CRAT: variants seen among roughly 807,000 people sequenced by gnomAD.
CRAT encodes carnitine acetylase.
A neutral mutation model predicts 73.7 loss-of-function variants in CRAT; 66 were observed. The ratio of observed to expected loss-of-function variants is 0.90; its 90% CI spans 0.73 to 1.10. The LOEUF (loss-of-function observed/expected upper bound fraction) is 1.10. Among genes scored for constraint, CRAT ranks in the 50% least tolerant of loss-of-function variants. The pLI, the probability that CRAT is intolerant of heterozygous loss-of-function variation, is 0.00. For synonymous variants in CRAT, 321 were observed against 343.2 expected (o/e 0.94, Z 0.71); for missense variants, 745 against 846.9 (o/e 0.88, Z 1.49).
At chr9:129,100,357 C>A in intron 7 of CRAT, 154 bp downstream of exon 7, 1 of 927,428 alleles carries the variant, frequency 1.1e-6, no homozygotes. Flanking sequence ...GGCTGGCTGC[C>A]TGGTAATTAC....
chr9:129,107,164 T>A lies in CRAT; in HGVS notation c.291+650A>T, dbSNP rs1347590284. ...TTCTCCTGCCTCAGCCTCCCCAGTA[T>A]CTGGGATTACAGGTGCGTGCCACTA... is the stretch of plus-strand genomic sequence containing the variant. On this transcript the variant is annotated intron_variant, in intron 2 of 13. Coordinates refer to ENST00000318080, the MANE Select transcript of CRAT (RefSeq NM_000755.5). This position sits in a 1 kb window ranked among gnomAD's most constrained non-coding sequence, Gnocchi z 5.0. 6.6e-6 allele frequency among the ~76,000 whole-genome samples: 1 copy of A among 152,062 alleles called. No homozygotes were observed. Among genetic ancestry groups the A allele is most frequent in the Non-Finnish European group, 1.5e-5 (1 of 67,992 alleles).
At position 129,102,443 on chromosome 9, in the gene CRAT, G is replaced by C; in HGVS notation, c.587C>G (p.Thr196Ser). The C allele has an allele frequency of 6.2e-7, 1 of 1,614,192 alleles. No homozygotes were observed. The highest frequency in any genetic ancestry group is 8.5e-7 in the Non-Finnish European group (1 of 1,180,016). ...KQDTVSNFSK[T>S]KKPPTHITVV... ...GGTGATGTGCGTGGGAGGCTTCTTGGTCTTGCTGAAGTTGCTGACTGTGTC... is the reference window on the plus strand; with the variant it reads ...GGTGATGTGCGTGGGAGGCTTCTTGCTCTTGCTGAAGTTGCTGACTGTGTC... Residue 196 changes from threonine to serine, a missense_variant, in exon 5 of 14, where the codon ACC becomes AGC. Transcript: ENST00000318080.
Position 129,096,041 on chromosome 9 carries a change from G to T in CRAT, c.1622C>A (p.Thr541Asn), listed in dbSNP as rs1262410846. Residue 541 changes from threonine (T) to asparagine (N), a missense_variant, in exon 13 of 14, where the codon ACC becomes AAC. Coordinates refer to ENST00000318080, the MANE Select transcript of CRAT (RefSeq NM_000755.5). Reference protein sequence around the residue: ...LVSMPDIFMDTSYAIAMHFHL... With the variant: ...LVSMPDIFMDNSYAIAMHFHL... ...GAAGTGCATGGCGATGGCGTAGGAG[G>T]TGTCCATGAAGATGTCGGGCATGCT... 2 of 1,613,964 alleles carry T rather than the reference G, an allele frequency of 1.2e-6. No homozygotes were observed. The highest frequency in any genetic ancestry group is 1.7e-6 in the Non-Finnish European group (2 of 1,180,038).
intron 1 of CRAT, 88 bp from the exon 2 acceptor site, chr9:129,108,165 C>A: frequency 6.9e-7 from 1 of 1,452,046 alleles, no homozygotes; most frequent in African/African-American, 1.4e-5. Flanking sequence ...ACTTAAGTGC[C>A]CATCCCTGGG....
intron 1 of CRAT, 64 bp from the exon 2 acceptor site, chr9:129,108,141 C>T: frequency 6.7e-7 from 1 of 1,489,262 alleles, no homozygotes; most frequent in Non-Finnish European, 8.9e-7. Context: ...AGCCCCAAAG[C>T]TGTAGTCCTG....
At chr9:129,095,880 C>A in intron 13 of CRAT, 118 bp downstream of exon 13, 2 of 1,426,880 alleles carry the variant, frequency 1.4e-6, no homozygotes, top group African/African-American at 1.4e-5. Flanking sequence ...CTGCCCCCAG[C>A]TCCTCCTCTG....
Position 129,110,541 on chromosome 9 carries a change from C to T in CRAT, c.-32G>A, listed in dbSNP as rs771959354. On this transcript the variant is annotated 5_prime_UTR_variant, in exon 1 of 14. Coordinates refer to ENST00000318080, the MANE Select transcript of CRAT (RefSeq NM_000755.5). The surrounding 1 kb of genome is among the most constrained non-coding windows in gnomAD (Gnocchi z 5.3). ...TGCCCGTCCGCGGACACGCAGTCCG[C>T]TCCGCCCCACACACCGGGCAAAGTC... The T allele has an allele frequency of 3.2e-6, 5 of 1,572,800 alleles. No individual in the cohort carries two copies. The highest frequency in any genetic ancestry group is 1.8e-5 in the Admixed American group (1 of 56,858).
At chr9:129,102,083 G>A in intron 5 of CRAT, 26 bp from the exon 6 acceptor site, 2 of 1,608,426 alleles carry the variant, frequency 1.2e-6, no homozygotes, top group Non-Finnish European at 1.7e-6. Flanking sequence ...CAGGTAAGAG[G>A]AGGGAGCTGA....
rs1847186356 is a variant in CRAT at position 129,095,009 on chromosome 9, A to G, written c.*388T>C. 3.9e-6 allele frequency: 1 copy of G among 259,430 alleles called. No homozygotes were observed. Among genetic ancestry groups the G allele is most frequent in the Non-Finnish European group, 7.5e-6 (1 of 132,752 alleles). The allele number at this position is 259,430 out of a possible 1,614,324, so 16.1% of individuals were successfully genotyped here. ...TGGGAGTTTGGGAAGCAGGGTACAG[A>G]TGGTGGCCTGGTCATGGAGTTGGCA... is the stretch of plus-strand genomic sequence containing the variant. On this transcript the variant is annotated 3_prime_UTR_variant, in exon 14 of 14. Transcript: ENST00000318080.
In CRAT at chr9:129,107,806, T is replaced by C. The variant is rs770244678; in HGVS notation, c.291+8A>G. 2.5e-6 allele frequency: 4 copies of C among 1,613,128 alleles called. No homozygotes were observed. The South Asian group carries it at 3.3e-5, about 13-fold the overall frequency. Reference sequence around the variant, plus strand: ...GCAGCAGGTCACAGTGAGGATGCCCTCACTCACCCAGTTCTCCGTCTTCCT... The same window carrying C: ...GCAGCAGGTCACAGTGAGGATGCCCCCACTCACCCAGTTCTCCGTCTTCCT... On this transcript the variant is annotated splice_region_variant and intron_variant, in intron 2 of 13. Coordinates refer to ENST00000318080, the MANE Select transcript of CRAT (RefSeq NM_000755.5). This position sits in a 1 kb window ranked among gnomAD's most constrained non-coding sequence, Gnocchi z 5.0.
At chr9:129,109,357 T>A (rs1468733305) in intron 1 of CRAT, 3 of 1,117,180 alleles carry the variant, frequency 2.7e-6, no homozygotes, top group African/African-American at 3.2e-5. Context: ...CCCTGCCTAT[T>A]TCCTGTTTCT....
chr9:129,107,513 C>T lies in CRAT; in HGVS notation c.291+301G>A, dbSNP rs367577798. The T allele has an allele frequency of 9.5e-6, 6 of 634,090 alleles. No individual in the cohort carries two copies. The highest frequency in any genetic ancestry group is 5.4e-5 in the African/African-American group (3 of 55,876). The allele number at this position is 634,090 out of a possible 1,614,324, so 39.3% of individuals were successfully genotyped here. A position where few individuals can be genotyped will look rare whatever the true frequency, so the allele number is the denominator to read the frequency against. ...GAGGCTGTCCCACCAAGCACAAGGGCATCTTCTATCTGGTTGTACCTGCCG... is the reference window on the plus strand; with the variant it reads ...GAGGCTGTCCCACCAAGCACAAGGGTATCTTCTATCTGGTTGTACCTGCCG... On this transcript the variant is annotated intron_variant, in intron 2 of 13. Transcript: ENST00000318080. The surrounding 1 kb of genome is among the most constrained non-coding windows in gnomAD (Gnocchi z 5.0).
In CRAT at chr9:129,102,084, A is replaced by C. The variant is rs779406487; in HGVS notation, c.631-27T>G. The C allele has an allele frequency of 7.5e-6, 12 of 1,608,258 alleles. No homozygotes were observed. In the South Asian group the frequency reaches 1.3e-4, roughly 18 times the overall value. ...TGTTGGGGCACAGGCAGGTAAGAGG[A>C]GGGAGCTGAGTGGGGACCTCAGGCT... On this transcript the variant is annotated intron_variant, in intron 5 of 13. Coordinates refer to ENST00000318080, the MANE Select transcript of CRAT (RefSeq NM_000755.5).
intron 1 of CRAT, chr9:129,108,455 G>A (rs1475713343): frequency 6.0e-6 from 7 of 1,167,012 alleles, no homozygotes; most frequent in Middle Eastern, 3.8e-4. Context: ...CCTCTTGGAG[G>A]TCCCCACGTC....
rs1377791704 is a variant in CRAT, at chr9:129,096,135, C to T, written c.1528G>A (p.Ala510Thr). 3 of 1,612,758 alleles carry T rather than the reference C, an allele frequency of 1.9e-6. No individual in the cohort carries two copies. Among genetic ancestry groups the T allele is most frequent in the East Asian group, 4.5e-5 (2 of 44,880 alleles). Residue 510 changes from alanine to threonine, a missense_variant and splice_region_variant, in exon 13 of 14, where the codon GCC (alanine) becomes ACC (threonine). Transcript: ENST00000318080. ...VQAHRGYTDR[A>T]IRGEAFDRHL... Reference sequence around the variant, plus strand: ...CGATCAAAGGCCTCCCCGCGGATGGCCTGTTGGGGTGGGAGAGCTGTCAGG... The same window carrying T: ...CGATCAAAGGCCTCCCCGCGGATGGTCTGTTGGGGTGGGAGAGCTGTCAGG...
Position 129,095,435 on chromosome 9 carries a change from G to C in CRAT, c.1843C>G (p.Arg615Gly). 1 of 1,612,888 alleles carries C rather than the reference G, an allele frequency of 6.2e-7. No individual in the cohort carries two copies. The highest frequency in any genetic ancestry group is 8.5e-7 in the Non-Finnish European group (1 of 1,179,988). Residue 615 changes from arginine (R) to glycine (G), a missense_variant, in exon 14 of 14, where the codon CGT (arginine) becomes GGT (glycine). Physicochemically the swap from Arg to Gly is moderately radical, Grantham distance 125. Coordinates refer to ENST00000318080, the MANE Select transcript of CRAT (RefSeq NM_000755.5). ...CGGGGGTGGCTCTGCAGCAGGGCAC[G>C]CATGTCCAGGAGCGCCTTCTCCAGG... ...HYLEKALLDM[R>G]ALLQSHPRAK... is the part of the protein sequence containing the mutation.
rs762342545 is a variant in CRAT, at chr9:129,103,089, A to G, written c.411-23T>C. The G allele has an allele frequency of 3.1e-6, 5 of 1,612,050 alleles. No individual in the cohort carries two copies. The African/African-American group carries it at 5.3e-5, about 17-fold the overall frequency. On this transcript the variant is annotated intron_variant, in intron 3 of 13. Transcript: ENST00000318080. This position sits in a 1 kb window ranked among gnomAD's most constrained non-coding sequence, Gnocchi z 4.6. ...AATCTGGAAAGATTGATTAGAGATT[A>G]GAAGCTGCGTGGACACCCTGAGGGA...
Position 129,107,318 on chromosome 9 carries a change from C to A in CRAT, c.291+496G>T. 5.3e-6 allele frequency: 2 copies of A among 380,450 alleles called. No homozygotes were observed. Among genetic ancestry groups the A allele is most frequent in the African/African-American group, 2.0e-5 (1 of 49,170 alleles). The allele number at this position is 380,450 out of a possible 1,614,324, so 23.6% of individuals were successfully genotyped here. ...AAGTGCTGGGATTATAGGTGTGAGTCACTGCATCCAGCTGCCACTTTTTAA... is the reference window on the plus strand; with the variant it reads ...AAGTGCTGGGATTATAGGTGTGAGTAACTGCATCCAGCTGCCACTTTTTAA... On this transcript the variant is annotated intron_variant, in intron 2 of 13. Transcript: ENST00000318080. The surrounding 1 kb of genome is among the most constrained non-coding windows in gnomAD (Gnocchi z 5.0).
Position 129,098,099 on chromosome 9 carries a change from A to G in CRAT, c.1378T>C (p.Phe460Leu). The change falls in exon 11 of 14, where the codon TTT becomes CTT. Residue 460 changes from phenylalanine to leucine, a missense_variant. Physicochemically the swap from Phe to Leu is conservative, Grantham distance 22. Coordinates refer to ENST00000318080, the MANE Select transcript of CRAT (RefSeq NM_000755.5). The stretch of plus-strand genomic sequence containing the variant: ...ATGGTGTCGGTGCGGCCCAGGTGAA[A>G]CATGCGCAGGGAGGCACTTTCATAG... The part of the protein sequence containing the change: ...ATYESASLRM[F>L]HLGRTDTIRS... 1.2e-6 allele frequency: 2 copies of G among 1,614,026 alleles called. No individual in the cohort carries two copies. The highest frequency in any genetic ancestry group is 1.7e-6 in the Non-Finnish European group (2 of 1,180,046).
Sources: allele counts gnomAD v4.1 joint callset (sites outside exome capture counted in the v4.1 genomes callset), GRCh38; gene constraint gnomAD v4.1.1; non-coding constraint Gnocchi (gnomAD v3.1); transcripts MANE v1.5; gene names NCBI Gene and HGNC (gene_info 2026-07-23, HGNC 2026-07-21).